ADGRL3: variants seen among roughly 807,000 people sequenced by gnomAD.
ADGRL3 encodes the protein adhesion G protein-coupled receptor L3, also known as calcium-independent alpha-latrotoxin receptor 3.
A neutral mutation model predicts 153.5 loss-of-function variants in ADGRL3; 62 were observed. That is an observed-to-expected ratio of 0.40 (90% CI 0.33 to 0.50). The LOEUF is 0.50. Ranked by LOEUF, ADGRL3 falls within the 20% of genes least tolerant of loss-of-function variation. ADGRL3 has a pLI of 0.47. For synonymous variants in ADGRL3, 710 were observed against 672.5 expected (o/e 1.06, Z -0.86); for missense variants, 1,641 against 1,859.4 (o/e 0.88, Z 2.16).
chr4:61,932,600 C>T (rs1240807016), intron 13 of ADGRL3, among the ~76,000 whole-genome samples: 1 of 152,056 alleles, frequency 6.6e-6, no homozygotes, highest in Non-Finnish European at 1.5e-5. Flanking sequence ...AGAATTTTTG[C>T]ATCTGTATTC....
At chr4:61,894,962 A>T (rs971612504) in intron 10 of ADGRL3, among the ~76,000 whole-genome samples, 1 of 151,940 alleles carries the variant, frequency 6.6e-6, no homozygotes, top group Non-Finnish European at 1.5e-5. Flanking sequence ...ATTAAATACA[A>T]CTCCCCAGTC....
rs558603529 is a variant in ADGRL3, at chr4:61,755,856, G to A, written c.1399+22302G>A. Among the ~76,000 whole-genome samples, 22 of 152,196 alleles carry A rather than the reference G, an allele frequency of 1.4e-4. No individual in the cohort carries two copies. In the South Asian group the frequency reaches 1.9e-3, roughly 13 times the overall value. On this transcript the variant is annotated intron_variant, in intron 8 of 26. Transcript: ENST00000683033. ...TACATATGGCTAGCCAGTTTTCCCA[G>A]CACCATTTATTAAATAGGGAATCCT... is the stretch of plus-strand genomic sequence containing the variant.
intron 9 of ADGRL3, among the ~76,000 whole-genome samples, chr4:61,885,770 G>A (rs2098535010): frequency 6.6e-6 from 1 of 152,106 alleles, no homozygotes; most frequent in African/African-American, 2.4e-5. Flanking sequence ...TCAATTACCA[G>A]CTATGTAAGC....
intron 1 of ADGRL3, among the ~76,000 whole-genome samples, chr4:61,326,255 G>GT (rs1187266893): frequency 1.3e-5 from 2 of 151,924 alleles, no homozygotes; most frequent in African/African-American, 4.8e-5. Flanking sequence ...GAATTAGCCG[G>GT]TTTTTTTCCT....
intron 5 of ADGRL3, among the ~76,000 whole-genome samples, chr4:61,598,496 C>T (rs970054097): frequency 1.3e-5 from 2 of 152,140 alleles, no homozygotes; most frequent in Non-Finnish European, 2.9e-5. Flanking sequence ...ATCTCATCCC[C>T]TACATTCCTT....
chr4:61,620,605 G>A (rs1579905164), intron 5 of ADGRL3, among the ~76,000 whole-genome samples: 1 of 146,100 alleles, frequency 6.8e-6, no homozygotes, highest in Non-Finnish European at 1.5e-5. Flanking sequence ...TTCTAATCTG[G>A]TGTATGGTAT....
At chr4:62,005,542 G>A (rs907015500) in intron 21 of ADGRL3, among the ~76,000 whole-genome samples, 15 of 152,128 alleles carry the variant, frequency 9.9e-5, no homozygotes, top group Admixed American at 3.3e-4. Flanking sequence ...TATCTAAGGG[G>A]AAAATGTCTT....
At chr4:61,993,158 C>G (rs894704771) in intron 19 of ADGRL3, among the ~76,000 whole-genome samples, 3 of 94,278 alleles carry the variant, frequency 3.2e-5, no homozygotes, top group African/African-American at 7.8e-5. Flanking sequence ...CATTCATGGG[C>G]TGCAGTTGTG....
chr4:62,053,111 A>G (rs1282276291), intron 25 of ADGRL3, among the ~76,000 whole-genome samples: 2 of 151,466 alleles, frequency 1.3e-5, no homozygotes, highest in African/African-American at 4.8e-5. Flanking sequence ...GTTAATTCTA[A>G]CAGAGTCATC....
intron 13 of ADGRL3, among the ~76,000 whole-genome samples, chr4:61,924,322 G>A (rs977512301): frequency 8.6e-5 from 13 of 151,968 alleles, no homozygotes; most frequent in African/African-American, 3.1e-4. Flanking sequence ...AGCTTGGAGT[G>A]CCCCCTAGCA....
intron 3 of ADGRL3, among the ~76,000 whole-genome samples, chr4:61,500,861 T>C (rs1244572516): frequency 6.6e-6 from 1 of 152,176 alleles, no homozygotes; most frequent in Non-Finnish European, 1.5e-5. Context: ...GTAAAGTAAA[T>C]TGAGATCACA....
At chr4:62,035,182 A>T (rs941720667) in intron 23 of ADGRL3, among the ~76,000 whole-genome samples, 4 of 151,960 alleles carry the variant, frequency 2.6e-5, no homozygotes, top group African/African-American at 9.7e-5. Flanking sequence ...CAGTATAATG[A>T]TTCAGTAAGT....
chr4:62,070,050 T>C (rs1745027920), intron 26 of ADGRL3, 59 bp from the exon 27 acceptor site: 1 of 1,370,612 alleles, frequency 7.3e-7, no homozygotes, highest in African/African-American at 1.4e-5. Flanking sequence ...TCTGTGTTTG[T>C]GTGTGTGTTC....
intron 4 of ADGRL3, among the ~76,000 whole-genome samples, chr4:61,578,696 C>CA (rs1560874379): frequency 2.6e-5 from 4 of 152,050 alleles, no homozygotes; most frequent in Non-Finnish European, 5.9e-5. Context: ...ACTATCCCCT[C>CA]TCCGATATCC....
intron 5 of ADGRL3, among the ~76,000 whole-genome samples, chr4:61,599,158 A>G (rs967066412): frequency 1.4e-4 from 22 of 152,222 alleles, no homozygotes; most frequent in African/African-American, 5.3e-4. Flanking sequence ...CCATGTAGAA[A>G]TATGATTGCA....
intron 5 of ADGRL3, among the ~76,000 whole-genome samples, chr4:61,638,488 T>C (rs560408569): frequency 1.5e-4 from 23 of 152,306 alleles, no homozygotes; most frequent in Middle Eastern, 3.4e-3. Context: ...ACTTTGTTTT[T>C]GGTATGTAAT....
intron 2 of ADGRL3, among the ~76,000 whole-genome samples, chr4:61,452,232 C>T (rs760920301): frequency 2.0e-5 from 3 of 152,092 alleles, no homozygotes; most frequent in East Asian, 1.9e-4. Context: ...TACCTCATTC[C>T]GGGACTGCTC....
chr4:61,622,370 A>G (rs1455018538), intron 5 of ADGRL3, among the ~76,000 whole-genome samples: 2 of 152,170 alleles, frequency 1.3e-5, no homozygotes, highest in African/African-American at 2.4e-5. Flanking sequence ...GGTGTTACAA[A>G]GGACACATAT....
chr4:61,308,189 G>T (rs2094870449), intron 1 of ADGRL3, among the ~76,000 whole-genome samples: 1 of 152,148 alleles, frequency 6.6e-6, no homozygotes, highest in African/African-American at 2.4e-5. Flanking sequence ...TGCGTTAGCT[G>T]TTCCACCCAA....
Sources: gnomAD v4.1 joint callset for allele counts (sites outside exome capture counted in the v4.1 genomes callset) on GRCh38, gnomAD v4.1.1 for gene constraint, MANE v1.5 for transcripts, NCBI Gene and HGNC (gene_info 2026-07-23, HGNC 2026-07-21) for gene names.